The following TRDN variants were observed in gnomAD, a reference collection of about 807,000 sequenced individuals.
TRDN encodes the protein triadin, also known as triadin in skeletal muscle.
In TRDN, 161 loss-of-function variants were observed where a neutral mutation model predicts 149.7. The observed-to-expected ratio is 1.08, with a 90% CI of 0.95 to 1.23. The LOEUF is 1.23. Among genes scored for constraint, TRDN ranks in the 50% most tolerant of loss-of-function variants. The probability of loss-of-function intolerance (pLI) is 0.00; values close to 1 mark genes in which losing one functional copy is unlikely to be tolerated. For missense variants in TRDN, 896 were observed against 823.5 expected (o/e 1.09, Z -1.08); for synonymous variants, 294 against 250.5 (o/e 1.17, Z -1.64).
intron 38 of TRDN, 69 bp from the exon 39 acceptor site, chr6:123,224,200 T>C: frequency 2.1e-6 from 3 of 1,452,340 alleles, no homozygotes; most frequent in Non-Finnish European, 2.9e-6. Context: ...AAGTATTGTA[T>C]TTAAAGGTTT....
Position 123,366,914 on chromosome 6 carries a change from G to A in TRDN, c.1274-732C>T, listed in dbSNP as rs114242730. The stretch of plus-strand genomic sequence containing the variant: ...TTAATCATGGTTGAGTCTGCTAAAA[G>A]TTGTTTAATACTGATTGCAAGCAAA... On this transcript the variant is annotated intron_variant, in intron 19 of 40. Transcript: ENST00000334268. Among the ~76,000 whole-genome samples the A allele has an allele frequency of 1.7e-3, 266 of 152,324 alleles. 1 individual carries two copies. Among genetic ancestry groups the A allele is most frequent in the African/African-American group, 6.1e-3 (254 of 41,576 alleles).
chr6:123,488,174 C>T (rs961880808), intron 9 of TRDN, among the ~76,000 whole-genome samples: 11 of 152,138 alleles, frequency 7.2e-5, no homozygotes, highest in African/African-American at 2.7e-4. Flanking sequence ...CAAAACTCCA[C>T]ACTTGATTAT....
intron 38 of TRDN, among the ~76,000 whole-genome samples, chr6:123,234,374 A>G (rs1298538578): frequency 1.3e-5 from 2 of 152,130 alleles, no homozygotes; most frequent in Admixed American, 1.3e-4. Context: ...AAATATATAT[A>G]CACCCATGTG....
At chr6:123,598,703 T>C (rs1784147969) in intron 1 of TRDN, among the ~76,000 whole-genome samples, 1 of 152,100 alleles carries the variant, frequency 6.6e-6, no homozygotes. Context: ...CCTCCCACAG[T>C]GGCAGAGTTG....
At chr6:123,409,270 T>C (rs1202279936) in intron 12 of TRDN, among the ~76,000 whole-genome samples, 1 of 152,240 alleles carries the variant, frequency 6.6e-6, no homozygotes, top group Non-Finnish European at 1.5e-5. Context: ...TACAAGGCTC[T>C]TTGACATATA....
chr6:123,484,083 AT>A (rs1777882657), intron 9 of TRDN, among the ~76,000 whole-genome samples: 1 of 152,176 alleles, frequency 6.6e-6, no homozygotes, highest in African/African-American at 2.4e-5. Context: ...AGTAACGTTA[AT>A]GTTAATATTG....
chr6:123,276,514 C>G (rs890617886), intron 26 of TRDN, among the ~76,000 whole-genome samples: 3 of 152,082 alleles, frequency 2.0e-5, no homozygotes, highest in African/African-American at 7.2e-5. Flanking sequence ...GAAGAAGATA[C>G]CGTTAATCGA....
intron 24 of TRDN, among the ~76,000 whole-genome samples, chr6:123,316,157 A>G (rs1180824198): frequency 6.6e-6 from 1 of 151,878 alleles, no homozygotes; most frequent in Non-Finnish European, 1.5e-5. Context: ...AGCATTTCAT[A>G]AACAGTGTTC....
At chr6:123,616,375 T>C (rs1785083748) in intron 1 of TRDN, among the ~76,000 whole-genome samples, 1 of 150,382 alleles carries the variant, frequency 6.6e-6, no homozygotes, top group East Asian at 1.9e-4. Context: ...CTTTACATTA[T>C]TTATAAAGCA....
intron 12 of TRDN, among the ~76,000 whole-genome samples, chr6:123,437,123 A>G (rs1774608918): frequency 1.3e-5 from 2 of 152,124 alleles, no homozygotes; most frequent in South Asian, 4.1e-4. Flanking sequence ...ACTGTCAAAT[A>G]GTTGAATAAC....
chr6:123,514,963 A>C (rs1309725973), intron 6 of TRDN, among the ~76,000 whole-genome samples: 1 of 152,046 alleles, frequency 6.6e-6, no homozygotes, highest in Non-Finnish European at 1.5e-5. Flanking sequence ...GCATTAGGAC[A>C]AATACCTAAT....
At chr6:123,239,087 C>G (rs2114539493) in intron 38 of TRDN, among the ~76,000 whole-genome samples, 1 of 152,270 alleles carries the variant, frequency 6.6e-6, no homozygotes, top group Admixed American at 6.5e-5. Flanking sequence ...GATCTGCCCA[C>G]CTCGGCCTTC....
chr6:123,601,659 T>C (rs949995230), intron 1 of TRDN, among the ~76,000 whole-genome samples: 4 of 152,148 alleles, frequency 2.6e-5, no homozygotes, highest in African/African-American at 9.7e-5. Flanking sequence ...GCACACATTC[T>C]CACTTCTTTG....
At chr6:123,502,682 C>T in intron 8 of TRDN, 1 of 984,252 alleles carries the variant, frequency 1.0e-6, no homozygotes. Context: ...AAATAGCCTG[C>T]TCTGTAATAA....
At chr6:123,450,814 C>A (rs1304636658) in intron 10 of TRDN, among the ~76,000 whole-genome samples, 1 of 152,066 alleles carries the variant, frequency 6.6e-6, no homozygotes, top group African/African-American at 2.4e-5. Context: ...TTCAATAGTG[C>A]ACGGAACTTT....
intron 10 of TRDN, among the ~76,000 whole-genome samples, chr6:123,457,276 G>C (rs1386402123): frequency 6.6e-6 from 1 of 152,172 alleles, no homozygotes; most frequent in Admixed American, 6.5e-5. Flanking sequence ...GGTCTTCAGA[G>C]TAAATACCTC....
intron 22 of TRDN, among the ~76,000 whole-genome samples, chr6:123,333,820 A>G (rs1779757548): frequency 6.6e-6 from 1 of 152,052 alleles, no homozygotes; most frequent in South Asian, 2.1e-4. Context: ...ATTGGAAAAC[A>G]TTTTTTAAAA....
intron 24 of TRDN, among the ~76,000 whole-genome samples, chr6:123,280,896 A>C (rs1307872244): frequency 6.6e-6 from 1 of 151,982 alleles, no homozygotes; most frequent in Non-Finnish European, 1.5e-5. Flanking sequence ...AATGCAGGGA[A>C]TTGGTGCGAT....
chr6:123,578,757 T>A (rs1171215739), intron 1 of TRDN, among the ~76,000 whole-genome samples: 1 of 152,204 alleles, frequency 6.6e-6, no homozygotes, highest in East Asian at 1.9e-4. Flanking sequence ...TATGGCCATT[T>A]TAATGATATT....
Sources: allele counts gnomAD v4.1 joint callset (sites outside exome capture counted in the v4.1 genomes callset), GRCh38; gene constraint gnomAD v4.1.1; transcripts MANE v1.5; gene names NCBI Gene and HGNC (gene_info 2026-07-23, HGNC 2026-07-21).